The following SLCO1B1 variants were observed in gnomAD, a reference collection of about 807,000 sequenced individuals.
SLCO1B1 encodes the protein solute carrier organic anion transporter family member 1B1.
SLCO1B1 carries 81 observed loss-of-function variants against 70.1 expected under a neutral mutation model. The observed-to-expected ratio is 1.16, with a 90% CI of 0.97 to 1.39. The LOEUF is 1.39. SLCO1B1 is among the 40% of genes most tolerant of loss of function. The pLI is 0.00. For synonymous variants in SLCO1B1, 283 were observed against 271.5 expected (o/e 1.04, Z -0.42); for missense variants, 895 against 799.6 (o/e 1.12, Z -1.44).
intron 2 of SLCO1B1, among the ~76,000 whole-genome samples, chr12:21,150,271 G>A (rs954903116): frequency 6.6e-6 from 1 of 150,648 alleles, no homozygotes. Flanking sequence ...CGCAGCTTCA[G>A]CAGACTTAAA....
chr12:21,230,695 C>T (rs1437401242), intron 14 of SLCO1B1, among the ~76,000 whole-genome samples: 2 of 152,030 alleles, frequency 1.3e-5, no homozygotes, highest in Non-Finnish European at 2.9e-5. Flanking sequence ...GCTAGCCTCA[C>T]AGAATGAAAT....
At chr12:21,158,890 A>G (rs956208820) in intron 2 of SLCO1B1, among the ~76,000 whole-genome samples, 1 of 152,154 alleles carries the variant, frequency 6.6e-6, no homozygotes, top group Non-Finnish European at 1.5e-5. Flanking sequence ...TTTGTCAATC[A>G]TACCTTAATA....
At chr12:21,222,275 T>C in intron 12 of SLCO1B1, 25 bp from the exon 13 acceptor site, 1 of 1,300,572 alleles carries the variant, frequency 7.7e-7, no homozygotes, top group Non-Finnish European at 1.1e-6. Flanking sequence ...ATATTTAATG[T>C]TTCTTTGCCT....
intron 2 of SLCO1B1, among the ~76,000 whole-genome samples, chr12:21,146,954 G>C (rs1306946653): frequency 2.0e-5 from 3 of 152,030 alleles, no homozygotes; most frequent in African/African-American, 4.8e-5. Context: ...TGATGATGTT[G>C]TTAAGGTCAA....
chr12:21,194,782 A>G (rs61560728), intron 7 of SLCO1B1, among the ~76,000 whole-genome samples: 1,533 of 152,316 alleles, frequency 0.01, 35 homozygotes, highest in South Asian at 0.039. Flanking sequence ...GAGACTGGCT[A>G]ATTTATCAAG....
chr12:21,143,249 T>C (rs183300200), intron 2 of SLCO1B1, among the ~76,000 whole-genome samples: 5 of 152,202 alleles, frequency 3.3e-5, no homozygotes, highest in Non-Finnish European at 7.4e-5. Flanking sequence ...TAATTTTTTA[T>C]GAAGTTTGGG....
chr12:21,198,134 C>T (rs890122476), intron 8 of SLCO1B1, among the ~76,000 whole-genome samples: 2 of 152,218 alleles, frequency 1.3e-5, no homozygotes, highest in South Asian at 4.1e-4. Context: ...AGGTCTTTTA[C>T]TTATTACTTT....
chr12:21,215,372 A>T (rs961740473), intron 11 of SLCO1B1, among the ~76,000 whole-genome samples: 1 of 152,212 alleles, frequency 6.6e-6, no homozygotes, highest in African/African-American at 2.4e-5. Context: ...AGTTTGTTGA[A>T]GAACTTTATC....
chr12:21,209,835 T>G (rs1379142196), intron 11 of SLCO1B1, among the ~76,000 whole-genome samples: 2 of 152,002 alleles, frequency 1.3e-5, no homozygotes, highest in Non-Finnish European at 2.9e-5. Flanking sequence ...TTTCATGTGT[T>G]TTTTGGCTGC....
chr12:21,210,093 G>T (rs1162707613), intron 11 of SLCO1B1, among the ~76,000 whole-genome samples: 1 of 146,794 alleles, frequency 6.8e-6, no homozygotes, highest in African/African-American at 2.5e-5. Flanking sequence ...TTTGTCTTTT[G>T]TTGCCATTGC....
chr12:21,196,919 A>G (rs1246808178), intron 7 of SLCO1B1, 27 bp from the exon 8 acceptor site: 1 of 1,609,224 alleles, frequency 6.2e-7, no homozygotes, highest in South Asian at 1.1e-5. Flanking sequence ...ATGATTTTTG[A>G]CTGGCTTCTA....
chr12:21,153,957 G>C (rs1435902697), intron 2 of SLCO1B1, among the ~76,000 whole-genome samples: 1 of 151,788 alleles, frequency 6.6e-6, no homozygotes, highest in East Asian at 1.9e-4. Context: ...AAAGCACAGA[G>C]GTAAATTTTG....
Position 21,233,580 on chromosome 12 carries a change from AAAAAC to A in SLCO1B1, c.1866-5396_1866-5392del, listed in dbSNP as rs1200089802. Among the ~76,000 whole-genome samples the A allele has an allele frequency of 3.4e-5, 5 of 149,166 alleles. No homozygotes were observed. The East Asian group carries it at 6.4e-4, about 19-fold the overall frequency. ...AAAAAAAACAAACAAACAAAAAAAA[AAAAAC>A]AAGAGCCCCAAAGGAGCCAAACCAA... On this transcript the variant is annotated intron_variant, in intron 14 of 14. Coordinates refer to ENST00000256958, the MANE Select transcript of SLCO1B1 (RefSeq NM_006446.5).
chr12:21,239,300 C>A lies in SLCO1B1; in HGVS notation c.*111C>A, dbSNP rs754423928. 6.2e-6 allele frequency: 5 copies of A among 806,214 alleles called. No homozygotes were observed. In the Admixed American group the frequency reaches 7.2e-5, roughly 12 times the overall value. The allele number at this position is 806,214 out of a possible 1,614,324, so 49.9% of individuals were successfully genotyped here. On this transcript the variant is annotated 3_prime_UTR_variant, in exon 15 of 15. Coordinates refer to ENST00000256958, the MANE Select transcript of SLCO1B1 (RefSeq NM_006446.5). ...GTCCTTTCACTAAGAATTTCCACAT[C>A]TTTTATGGTGGAAGTATAAATAAGC...
chr12:21,197,184 G>A lies in SLCO1B1; in HGVS notation c.966G>A (p.Val322=). The A allele has an allele frequency of 6.2e-7, 1 of 1,612,802 alleles. No individual in the cohort carries two copies. Among genetic ancestry groups the A allele is most frequent in the East Asian group, 2.2e-5 (1 of 44,812 alleles). ...AAGGAAAAAATATTACCAAAAATGT[G>A]ACTGGTAAGTATTTAACATTCATTG... ...TNQGKNITKN[V]TGFFQSFKSI... is the part of the protein sequence containing the mutation. Residue 322 remains valine (V), a synonymous_variant, in exon 8 of 15, where the codon GTG becomes GTA. Transcript: ENST00000256958.
chr12:21,167,576 A>G (rs922379263), intron 2 of SLCO1B1, among the ~76,000 whole-genome samples: 4 of 152,248 alleles, frequency 2.6e-5, no homozygotes, highest in Middle Eastern at 6.8e-3. Context: ...TCGTTTTGTC[A>G]TGCTGGTAAA....
At chr12:21,194,471 G>T (rs1470417841) in intron 7 of SLCO1B1, among the ~76,000 whole-genome samples, 2 of 151,944 alleles carry the variant, frequency 1.3e-5, no homozygotes, top group Non-Finnish European at 2.9e-5. Context: ...GGCATAACAA[G>T]AGTGACTTTT....
chr12:21,216,043 C>T (rs1261666092), intron 11 of SLCO1B1, among the ~76,000 whole-genome samples: 2 of 152,042 alleles, frequency 1.3e-5, no homozygotes, highest in East Asian at 3.8e-4. Flanking sequence ...ATATTAGAAC[C>T]CTAAAAAGAA....
chr12:21,202,457 T>C, intron 9 of SLCO1B1, 34 bp from the exon 10 acceptor site: 2 of 1,373,484 alleles, frequency 1.5e-6, no homozygotes, highest in South Asian at 2.5e-5. Context: ...AGAAAACTCA[T>C]ATATGATTAC....
Sources: gnomAD v4.1 joint callset for allele counts (sites outside exome capture counted in the v4.1 genomes callset) on GRCh38, gnomAD v4.1.1 for gene constraint, MANE v1.5 for transcripts, NCBI Gene and HGNC (gene_info 2026-07-23, HGNC 2026-07-21) for gene names.